Variants in CSMD1 observed in about 807,000 individuals in gnomAD.
CSMD1 encodes CUB and Sushi multiple domains 1, also known as CUB and sushi domain-containing protein 1.
In CSMD1, 213 loss-of-function variants were observed where a neutral mutation model predicts 417.5. That is an observed-to-expected ratio of 0.51 (90% CI 0.46 to 0.57). The LOEUF (loss-of-function observed/expected upper bound fraction) is 0.57, where lower values mean the gene tolerates loss of function less well. CSMD1 is among the 20% of genes least tolerant of loss of function. CSMD1 has a pLI of 0.00. For synonymous variants in CSMD1, 2,862 were observed against 1,736.8 expected (o/e 1.65, Z -16.11); for missense variants, 6,923 against 4,529.7 (o/e 1.53, Z -15.17).
intron 1 of CSMD1, among the ~76,000 whole-genome samples, chr8:4,823,774 G>T (rs1007541970): frequency 6.6e-6 from 1 of 151,810 alleles, no homozygotes; most frequent in Non-Finnish European, 1.5e-5. Flanking sequence ...TGGTGGCAGT[G>T]TGTGCACAAG....
At chr8:4,975,161 G>T (rs1294180629) in intron 1 of CSMD1, among the ~76,000 whole-genome samples, 2 of 152,050 alleles carry the variant, frequency 1.3e-5, no homozygotes, top group Non-Finnish European at 2.9e-5. Context: ...AAATTAAGAG[G>T]GAACCAAGGT....
chr8:4,770,017 T>C (rs983377573), intron 1 of CSMD1, among the ~76,000 whole-genome samples: 1 of 152,008 alleles, frequency 6.6e-6, no homozygotes, highest in Non-Finnish European at 1.5e-5. Context: ...AAAGACATTA[T>C]TCTGTTACTC....
At chr8:2,959,488 A>T (rs966770489) in intron 62 of CSMD1, among the ~76,000 whole-genome samples, 1 of 152,208 alleles carries the variant, frequency 6.6e-6, no homozygotes, top group Admixed American at 6.5e-5. Flanking sequence ...ACATGCTGAC[A>T]TTCTCAGGAA....
intron 5 of CSMD1, among the ~76,000 whole-genome samples, chr8:3,759,802 G>T (rs1469771409): frequency 6.6e-6 from 1 of 151,476 alleles, no homozygotes; most frequent in African/African-American, 2.4e-5. Context: ...CAGCTACTCG[G>T]GAAGATGAGG....
rs34935169 is a variant in CSMD1, at chr8:4,441,260, G to GTTTT, written c.303-21199_303-21196dup. On this transcript the variant is annotated intron_variant, in intron 2 of 69. Transcript: ENST00000635120. ...ACTACAGGCCTGAGCACTACACTCA[G>GTTTT]TTTTTTTTTTTTTTTTTTTTTTGGT... Among the ~76,000 whole-genome samples the GTTTT allele has an allele frequency of 6.3e-4, 42 of 66,980 alleles. 2 individuals are homozygous for GTTTT. The highest frequency in any genetic ancestry group is 2.3e-3 in the East Asian group (4 of 1,776). 43.9% of individuals were successfully genotyped at this position (66,980 alleles called of 152,430 possible). A position where few individuals can be genotyped will look rare whatever the true frequency, so the allele number is the denominator to read the frequency against.
chr8:4,842,763 G>A (rs1342390053), intron 1 of CSMD1, among the ~76,000 whole-genome samples: 4 of 152,200 alleles, frequency 2.6e-5, no homozygotes. Flanking sequence ...GCATTGAAAA[G>A]CAGAAATTAA....
chr8:4,256,599 G>C (rs573715344), intron 3 of CSMD1, among the ~76,000 whole-genome samples: 1 of 152,272 alleles, frequency 6.6e-6, no homozygotes, highest in South Asian at 2.1e-4. Context: ...CCTCACTTTA[G>C]AGAAAACCAC....
chr8:4,216,925 G>A (rs1156525644), intron 3 of CSMD1, among the ~76,000 whole-genome samples: 2 of 152,022 alleles, frequency 1.3e-5, no homozygotes, highest in African/African-American at 4.8e-5. Context: ...CCTTTCAAAA[G>A]CCAACAGCTC....
At chr8:4,807,233 G>A (rs1043000103) in intron 1 of CSMD1, among the ~76,000 whole-genome samples, 13 of 152,066 alleles carry the variant, frequency 8.5e-5, no homozygotes, top group South Asian at 4.1e-4. Context: ...CGGGGGTTCG[G>A]CAGCTTCTCC....
chr8:3,468,009 T>C (rs1585208555), intron 12 of CSMD1, among the ~76,000 whole-genome samples: 1 of 152,204 alleles, frequency 6.6e-6, no homozygotes, highest in East Asian at 1.9e-4. Flanking sequence ...TCAAATACTT[T>C]AAGGAACTCA....
chr8:4,534,820 T>C (rs1797019460), intron 2 of CSMD1, among the ~76,000 whole-genome samples: 2 of 152,150 alleles, frequency 1.3e-5, no homozygotes, highest in South Asian at 4.1e-4. Context: ...TGGAGTGCAG[T>C]AGTGTGATCT....
At chr8:4,462,045 T>A (rs1309787159) in intron 2 of CSMD1, among the ~76,000 whole-genome samples, 2 of 151,866 alleles carry the variant, frequency 1.3e-5, no homozygotes, top group Non-Finnish European at 2.9e-5. Flanking sequence ...TGGCTGCTAA[T>A]CTTATTTTTT....
chr8:3,983,574 T>C (rs1162313534), intron 5 of CSMD1, among the ~76,000 whole-genome samples: 3 of 152,216 alleles, frequency 2.0e-5, no homozygotes, highest in Non-Finnish European at 1.5e-5. Context: ...AATTTTGTTT[T>C]TGATGTTTCT....
intron 1 of CSMD1, among the ~76,000 whole-genome samples, chr8:4,738,980 G>A (rs1378243654): frequency 1.3e-5 from 2 of 151,408 alleles, no homozygotes; most frequent in Non-Finnish European, 2.9e-5. Context: ...ACCTTCTCTT[G>A]GGAAAATAAT....
chr8:3,466,585 T>A, intron 12 of CSMD1, among the ~76,000 whole-genome samples: 1 of 148,062 alleles, frequency 6.8e-6, no homozygotes, highest in Non-Finnish European at 1.5e-5. Flanking sequence ...TAATTTTTTT[T>A]TTTTTTTTTT....
rs766071219 is a variant in CSMD1 at position 3,214,457 on chromosome 8, G to A, written c.4867+40C>T. 2.7e-4 allele frequency: 396 copies of A among 1,459,074 alleles called. 2 individuals carry two copies. The highest frequency in any genetic ancestry group is 3.0e-4 in the Non-Finnish European group (327 of 1,092,682). The allele number at this position is 1,459,074 out of a possible 1,614,324, so 90.4% of individuals were successfully genotyped here. A position where few individuals can be genotyped will look rare whatever the true frequency, so the allele number is the denominator to read the frequency against. ...TTCAATGAGATGCTGCATTTTAAAGGAAAGTTGTATTTCTAGAAAATACCC... is the reference window on the plus strand; with the variant it reads ...TTCAATGAGATGCTGCATTTTAAAGAAAAGTTGTATTTCTAGAAAATACCC... On this transcript the variant is annotated intron_variant, in intron 30 of 69. Transcript: ENST00000635120.
intron 3 of CSMD1, among the ~76,000 whole-genome samples, chr8:4,218,683 A>C (rs933272928): frequency 6.6e-6 from 1 of 152,182 alleles, no homozygotes; most frequent in Non-Finnish European, 1.5e-5. Flanking sequence ...TAAAGCTTGG[A>C]TACATCTCTT....
intron 1 of CSMD1, among the ~76,000 whole-genome samples, chr8:4,687,658 C>T (rs1218981957): frequency 6.6e-6 from 1 of 152,188 alleles, no homozygotes; most frequent in Non-Finnish European, 1.5e-5. Flanking sequence ...TCCGTGAAGG[C>T]TTAAAATGAG....
At chr8:3,566,708 G>T (rs1010127110) in intron 10 of CSMD1, among the ~76,000 whole-genome samples, 1 of 152,116 alleles carries the variant, frequency 6.6e-6, no homozygotes, top group Admixed American at 6.6e-5. Context: ...TAGAGACATG[G>T]AAATCAAAAC....
Sources: gnomAD v4.1 joint callset for allele counts (sites outside exome capture counted in the v4.1 genomes callset) on GRCh38, gnomAD v4.1.1 for gene constraint, MANE v1.5 for transcripts, NCBI Gene and HGNC (gene_info 2026-07-23, HGNC 2026-07-21) for gene names.